The following MYH3 variants were observed in gnomAD, a reference collection of about 807,000 sequenced individuals.
MYH3 encodes the protein myosin heavy chain 3, also known as myosin-3.
Under a neutral mutation model 238.0 loss-of-function variants are expected in MYH3, and 130 were observed. The ratio of observed to expected loss-of-function variants is 0.55; its 90% confidence interval spans 0.47 to 0.63. MYH3 has a LOEUF of 0.63. MYH3 is among the 30% of genes least tolerant of loss of function. The probability of loss-of-function intolerance (pLI) is 0.00; values close to 1 mark genes in which losing one functional copy is unlikely to be tolerated. For missense variants in MYH3, 1,853 were observed against 2,374.9 expected, an observed-to-expected ratio of 0.78 and a Z score of 4.57; for synonymous variants, 880 against 924.1, an observed-to-expected ratio of 0.95 and a Z score of 0.86.
At position 10,631,701 on chromosome 17, in the gene MYH3, C is replaced by T. The variant is rs1339857648; in HGVS notation, c.5196G>A (p.Glu1732=). Residue 1732 remains glutamate (E), a synonymous_variant, in exon 36 of 41, where the codon GAG becomes GAA. Transcript: ENST00000583535. The stretch of plus-strand genomic sequence containing the variant: ...CACTCTGGAGCTGCATGAGGTCTGT[C>T]TCCAGCTTCTTCTTGGTGTGGATGA... ...TSLIHTKKKL[E]TDLMQLQSEV... is the part of the protein sequence containing the mutation. 6.2e-7 allele frequency: 1 copy of T among 1,614,102 alleles called. No individual in the cohort carries two copies. Among genetic ancestry groups the T allele is most frequent in the Admixed American group, 1.7e-5 (1 of 60,012 alleles).
intron 33 of MYH3, among the ~76,000 whole-genome samples, chr17:10,633,004 G>A (rs757313335): frequency 2.6e-5 from 4 of 152,188 alleles, no homozygotes; most frequent in Non-Finnish European, 4.4e-5. Context: ...CTGAGGTCAC[G>A]AGTTTGAGAC....
chr17:10,637,110 A>G (rs1245445054), intron 28 of MYH3, among the ~76,000 whole-genome samples: 1 of 149,350 alleles, frequency 6.7e-6, no homozygotes, highest in Non-Finnish European at 1.5e-5. Flanking sequence ...CCCAGGCTGG[A>G]GTGCAATGGC....
In MYH3 at chr17:10,642,450, C is replaced by G; in HGVS notation, c.1855G>C (p.Ala619Pro). Residue 619 changes from alanine to proline, a missense_variant, in exon 16 of 41, where the codon GCA (alanine) becomes CCA (proline). Physicochemically the swap from Ala to Pro is conservative, Grantham distance 27. This residue lies in a region of MYH3 where 678 missense variants were observed against 1,058.9 expected (regional missense o/e 0.64). Coordinates refer to ENST00000583535, the MANE Select transcript of MYH3 (RefSeq NM_002470.4). The surrounding 1 kb of genome is among the most constrained non-coding windows in gnomAD (Gnocchi z 5.4). ...GTGGCAAACGTGGCATAGAGGTGTG[C>G]CAGGAGCCTGTTGGAAGACTTCTGG... Reference protein sequence around the residue: ...LYQKSSNRLLAHLYATFATAD... With the variant: ...LYQKSSNRLLPHLYATFATAD... The G allele has an allele frequency of 6.2e-7, 1 of 1,614,164 alleles. No individual in the cohort carries two copies.
At position 10,630,328 on chromosome 17, in the gene MYH3, A is replaced by G; in HGVS notation, c.5417T>C (p.Leu1806Pro). ...HRLDEAEQLA[L>P]KGGKKQIQKL... is the part of the protein sequence containing the mutation. ...CTGGATCTGCTTCTTCCCGCCCTTC[A>G]GCGCCAGCTGCTCGGCCTCATCTAG... Residue 1806 changes from leucine (L) to proline (P), a missense_variant, in exon 37 of 41, where the codon CTG (leucine) becomes CCG (proline). Leu to Pro is a moderately conservative substitution (Grantham distance 98, BLOSUM62 -3). Transcript: ENST00000583535. The G allele has an allele frequency of 1.2e-6, 2 of 1,614,128 alleles. No homozygotes were observed. The highest frequency in any genetic ancestry group is 1.7e-6 in the Non-Finnish European group (2 of 1,180,028).
intron 4 of MYH3, 74 bp from the exon 5 acceptor site, chr17:10,651,742 TTATTG>T (rs1454017933): frequency 4.8e-6 from 7 of 1,470,982 alleles, no homozygotes; most frequent in Admixed American, 2.2e-5. Flanking sequence ...TTTATTATTA[TTATTG>T]TTTTTTTTTT....
rs115158327 is a variant in MYH3, at chr17:10,648,160, C to G, written c.735+397G>C. ...CATCTCATGGAACTGGCCCCCCTGC[C>G]CTCCTCCCTACAACCACACAGACCC... On this transcript the variant is annotated intron_variant, in intron 8 of 40. Coordinates refer to ENST00000583535, the MANE Select transcript of MYH3 (RefSeq NM_002470.4). Among the ~76,000 whole-genome samples, 754 of 152,290 alleles carry G rather than the reference C, an allele frequency of 5.0e-3. 5 individuals carry two copies. The highest frequency in any genetic ancestry group is 0.017 in the African/African-American group (722 of 41,554).
chr17:10,642,528 C>T lies in MYH3; in HGVS notation c.1777G>A (p.Gly593Ser). 1.2e-6 allele frequency: 2 copies of T among 1,614,216 alleles called. No homozygotes were observed. The highest frequency in any genetic ancestry group is 1.7e-6 in the Non-Finnish European group (2 of 1,180,042). Residue 593 changes from glycine to serine, a missense_variant, in exon 16 of 41, where the codon GGT becomes AGT. Physicochemically the swap from Gly to Ser is moderately conservative, Grantham distance 56. Coordinates refer to ENST00000583535, the MANE Select transcript of MYH3 (RefSeq NM_002470.4). This position sits in a 1 kb window ranked among gnomAD's most constrained non-coding sequence, Gnocchi z 5.4. ...YAGTVDYSVS[G>S]WLEKNKDPLN... is the part of the protein sequence containing the mutation. ...GGGTCCTTGTTCTTCTCCAGCCAAC[C>T]TGAGACACTGTAGTCCACGGTGCCC...
the MYH3 span, among the ~76,000 whole-genome samples, chr17:10,671,511 C>CT: frequency 6.6e-6 from 1 of 150,868 alleles, no homozygotes; most frequent in African/African-American, 2.4e-5. Context: ...AAATTATTAA[C>CT]TATTTGTATT....
At chr17:10,665,073 T>C in the MYH3 span, among the ~76,000 whole-genome samples, 1 of 152,030 alleles carries the variant, frequency 6.6e-6, no homozygotes, top group Non-Finnish European at 1.5e-5. Flanking sequence ...AGAAGAAAGG[T>C]GGCCAATTTG....
At chr17:10,635,082 C>G in intron 30 of MYH3, 59 bp from the exon 31 acceptor site, 1 of 1,540,004 alleles carries the variant, frequency 6.5e-7, no homozygotes, top group Admixed American at 1.7e-5. Flanking sequence ...TTGAACATCA[C>G]TATTCATCAA....
Position 10,654,752 on chromosome 17 carries a change from A to C in MYH3, c.204+109T>G. On this transcript the variant is annotated intron_variant, in intron 3 of 40. Transcript: ENST00000583535. The surrounding 1 kb of genome is among the most constrained non-coding windows in gnomAD (Gnocchi z 4.5). The stretch of plus-strand genomic sequence containing the variant: ...CAGGCTACATTGTATGCGGCATTCC[A>C]GTGCTGGAACCACATCTGGAAGTGG... 1 of 1,026,218 alleles carries C rather than the reference A, an allele frequency of 9.7e-7. No homozygotes were observed. Among genetic ancestry groups the C allele is most frequent in the Non-Finnish European group, 1.6e-6 (1 of 644,506 alleles). 63.6% of individuals were successfully genotyped at this position (1,026,218 alleles called of 1,614,324 possible).
At chr17:10,676,946 T>C in the MYH3 span, 1 of 152,240 alleles carries the variant, frequency 6.6e-6, no homozygotes, top group Non-Finnish European at 1.5e-5. Context: ...TACTTGAATC[T>C]TGTTAATGAA....
Position 10,641,107 on chromosome 17 carries a change from G to A in MYH3, c.2143C>T (p.Leu715Phe). The change falls in exon 19 of 41, where the codon CTC (leucine) becomes TTC (phenylalanine). Residue 715 changes from leucine (L) to phenylalanine (F), a missense_variant. Coordinates refer to ENST00000583535, the MANE Select transcript of MYH3 (RefSeq NM_002470.4). Reference sequence around the variant, plus strand: ...CACCTTTGTTTAAAATCGCCATAGAGAATCCTGTTTGGGAACCCTTTCCTG... The same window carrying A: ...CACCTTTGTTTAAAATCGCCATAGAAAATCCTGTTTGGGAACCCTTTCCTG... ...ICRKGFPNRI[L>F]YGDFKQRYRV... is the part of the protein sequence containing the mutation. 6.2e-7 allele frequency: 1 copy of A among 1,611,068 alleles called. No individual in the cohort carries two copies. The highest frequency in any genetic ancestry group is 8.5e-7 in the Non-Finnish European group (1 of 1,178,050).
upstream of MYH3, among the ~76,000 whole-genome samples, chr17:10,660,343 T>C (rs770956798): frequency 1.3e-5 from 2 of 152,204 alleles, no homozygotes; most frequent in South Asian, 2.1e-4. Flanking sequence ...ATATGTCTTA[T>C]TGAGATGGGG....
chr17:10,648,703 TAC>T (rs922652480), intron 7 of MYH3, 54 bp from the exon 8 acceptor site: 4 of 1,454,340 alleles, frequency 2.8e-6, no homozygotes, highest in African/African-American at 2.8e-5. Flanking sequence ...GAGATGGAGT[TAC>T]ACTCTTGTTG....
At chr17:10,632,405 C>A in intron 34 of MYH3, 71 bp downstream of exon 34, 1 of 1,543,322 alleles carries the variant, frequency 6.5e-7, no homozygotes, top group Non-Finnish European at 8.9e-7. Flanking sequence ...AGGCGTGCAC[C>A]ACTGTGCCCA....
At chr17:10,668,707 T>C in the MYH3 span, among the ~76,000 whole-genome samples, 3 of 152,174 alleles carry the variant, frequency 2.0e-5, no homozygotes, top group Non-Finnish European at 4.4e-5. Flanking sequence ...GACTGAAATA[T>C]TTGGAGAAAG....
chr17:10,670,117 C>T, the MYH3 span, among the ~76,000 whole-genome samples: 19 of 152,272 alleles, frequency 1.2e-4, no homozygotes, highest in African/African-American at 4.6e-4. This position sits in a 1 kb window ranked among gnomAD's most constrained non-coding sequence, Gnocchi z 7.0. Context: ...CATGACAGTA[C>T]ATTACCAACA....
chr17:10,665,917 A>G, the MYH3 span, among the ~76,000 whole-genome samples: 1 of 152,252 alleles, frequency 6.6e-6, no homozygotes, highest in Non-Finnish European at 1.5e-5. Flanking sequence ...CAGACTGACC[A>G]GCGGAACAGC....
Sources: allele counts gnomAD v4.1 joint callset (sites outside exome capture counted in the v4.1 genomes callset), GRCh38; gene constraint gnomAD v4.1.1; regional missense constraint gnomAD v4.1.1; non-coding constraint Gnocchi (gnomAD v3.1); transcripts MANE v1.5; gene names NCBI Gene and HGNC (gene_info 2026-07-23, HGNC 2026-07-21).